Variants in GLI3 observed in about 807,000 individuals in gnomAD.
GLI3 encodes the protein GLI family zinc finger 3, also known as transcription activator GLI3.
In GLI3, 20 loss-of-function variants were observed where a neutral mutation model predicts 100.8. The ratio of observed to expected loss-of-function variants is 0.20; its 90% CI spans 0.14 to 0.29. The LOEUF is 0.29. Ranked by LOEUF, GLI3 falls within the 10% of genes least tolerant of loss-of-function variation. GLI3 has a pLI of 1.00. For synonymous variants in GLI3, 938 were observed against 860.5 expected (o/e 1.09, Z -1.58); for missense variants, 2,040 against 2,128.5 (o/e 0.96, Z 0.82).
chr7:42,025,204 A>T (rs774808920), intron 9 of GLI3, 60 bp downstream of exon 9: 128 of 1,111,692 alleles, frequency 1.2e-4, no homozygotes, highest in Non-Finnish European at 1.7e-4. Flanking sequence ...GCGGGAGCTG[A>T]CCCAAAGACA....
chr7:42,172,207 TA>T (rs202077097), intron 2 of GLI3, among the ~76,000 whole-genome samples: 3 of 151,752 alleles, frequency 2.0e-5, no homozygotes, highest in South Asian at 2.1e-4. Flanking sequence ...AGAGAAGTTT[TA>T]AAAAAAAATC....
chr7:42,148,484 A>G lies in GLI3; in HGVS notation c.125-16T>C, dbSNP rs779833649. 6.2e-7 allele frequency: 1 copy of G among 1,611,522 alleles called. No individual in the cohort carries two copies. The highest frequency in any genetic ancestry group is 1.7e-5 in the Admixed American group (1 of 60,016). ...CTTTCATCCTCTAAAGAAAGAAGAA[A>G]AATGAAAGACTCTGTAAACTACTTT... On this transcript the variant is annotated splice_polypyrimidine_tract_variant and intron_variant, in intron 2 of 14. Transcript: ENST00000395925.
intron 3 of GLI3, among the ~76,000 whole-genome samples, chr7:42,095,094 G>A (rs1254513393): frequency 6.6e-6 from 1 of 152,228 alleles, no homozygotes; most frequent in Non-Finnish European, 1.5e-5. Context: ...GCAAGGGCGT[G>A]CTTGGTGACT....
At chr7:42,026,117 T>C (rs1789103292) in intron 8 of GLI3, 82 bp downstream of exon 8, 1 of 854,522 alleles carries the variant, frequency 1.2e-6, no homozygotes. Context: ...AGAGGTGCCG[T>C]GTTGATTAAC....
chr7:42,182,884 A>C (rs1562776116), intron 2 of GLI3, among the ~76,000 whole-genome samples: 3 of 151,210 alleles, frequency 2.0e-5, no homozygotes, highest in African/African-American at 7.3e-5. Flanking sequence ...GAGTTCAAGA[A>C]TGGCCTGGCC....
chr7:42,107,146 T>A (rs904669085), intron 3 of GLI3, among the ~76,000 whole-genome samples: 6 of 151,858 alleles, frequency 4.0e-5, no homozygotes, highest in African/African-American at 1.5e-4. Flanking sequence ...CAAGACCCTG[T>A]CTCTGCTCAA....
chr7:42,143,250 G>GA (rs1017380724), intron 3 of GLI3, among the ~76,000 whole-genome samples: 1 of 152,062 alleles, frequency 6.6e-6, no homozygotes, highest in African/African-American at 2.4e-5. Flanking sequence ...TCAAAGGGCG[G>GA]AAAAAAACAA....
In GLI3 at chr7:41,965,487, C is replaced by T. The variant is rs376413286; in HGVS notation, c.3586G>A (p.Gly1196Ser). Residue 1196 changes from glycine to serine, a missense_variant, in exon 15 of 15, where the codon GGC (glycine) becomes AGC (serine). By Grantham distance (56) the Gly-to-Ser change is moderately conservative. Coordinates refer to ENST00000395925, the MANE Select transcript of GLI3 (RefSeq NM_000168.6). ...GGGTTCTGCGGGTGGACGACCATGC[C>T]GTTGCAGAACCCAAAGGCGCGAGTC... ...PQTRAFGFCNGMVVHPQNPLR... is the reference protein window; with the variant it reads ...PQTRAFGFCNSMVVHPQNPLR... 12 of 1,609,154 alleles carry T rather than the reference C, an allele frequency of 7.5e-6. No individual in the cohort carries two copies. Among genetic ancestry groups the T allele is most frequent in the South Asian group, 3.3e-5 (3 of 91,014 alleles).
chr7:42,070,155 A>G (rs2128749981), intron 4 of GLI3, among the ~76,000 whole-genome samples: 2 of 152,356 alleles, frequency 1.3e-5, no homozygotes, highest in Admixed American at 1.3e-4. Context: ...ACAATTTACC[A>G]AACCACTCCA....
At chr7:42,263,669 T>TAA (rs1368757557) in intron 1 of GLI3, among the ~76,000 whole-genome samples, 51 of 152,004 alleles carry the variant, frequency 3.4e-4, no homozygotes, top group African/African-American at 1.1e-3. Context: ...ACTGGTCTCT[T>TAA]ACTCCTGACT....
intron 3 of GLI3, chr7:42,113,580 A>C: frequency 9.5e-7 from 1 of 1,048,462 alleles, no homozygotes; most frequent in South Asian, 1.3e-5. Context: ...GTTGCCAAAA[A>C]AGACCAGGCC....
intron 7 of GLI3, among the ~76,000 whole-genome samples, chr7:42,033,600 A>C (rs1160983166): frequency 6.6e-6 from 1 of 152,186 alleles, no homozygotes; most frequent in Non-Finnish European, 1.5e-5. Flanking sequence ...GGGGAGAGAG[A>C]CACATTCAAA....
intron 2 of GLI3, among the ~76,000 whole-genome samples, chr7:42,169,118 T>C (rs1432737334): frequency 6.6e-6 from 1 of 151,428 alleles, no homozygotes; most frequent in East Asian, 1.9e-4. Flanking sequence ...TGGTATAAAA[T>C]GGAAAGTGTC....
At chr7:42,135,293 T>G (rs1786399324) in intron 3 of GLI3, among the ~76,000 whole-genome samples, 1 of 152,266 alleles carries the variant, frequency 6.6e-6, no homozygotes, top group Admixed American at 6.5e-5. Flanking sequence ...CAATTTTTCA[T>G]GATCTTTAGA....
intron 2 of GLI3, among the ~76,000 whole-genome samples, chr7:42,177,128 C>T (rs1412016087): frequency 6.6e-6 from 1 of 152,114 alleles, no homozygotes; most frequent in Non-Finnish European, 1.5e-5. Flanking sequence ...CCCTTGAGAG[C>T]TTACATGTCC....
At chr7:42,049,839 G>A (rs959013150) in intron 4 of GLI3, among the ~76,000 whole-genome samples, 1 of 152,158 alleles carries the variant, frequency 6.6e-6, no homozygotes, top group Non-Finnish European at 1.5e-5. Flanking sequence ...TTCACAGAGG[G>A]TGCGGCCATA....
At chr7:42,023,646 G>C in intron 9 of GLI3, 38 bp from the exon 10 acceptor site, 1 of 1,591,320 alleles carries the variant, frequency 6.3e-7, no homozygotes, top group Non-Finnish European at 8.6e-7. Context: ...ACAGAGAAGG[G>C]GGAAGAATCA....
chr7:42,061,373 T>C (rs1234377851), intron 4 of GLI3, among the ~76,000 whole-genome samples: 1 of 152,176 alleles, frequency 6.6e-6, no homozygotes, highest in African/African-American at 2.4e-5. Flanking sequence ...TTATTATTAC[T>C]GTTAACTACT....
upstream of GLI3, among the ~76,000 whole-genome samples, chr7:42,239,374 A>G (rs1224339618): frequency 6.6e-6 from 1 of 152,222 alleles, no homozygotes; most frequent in Admixed American, 6.5e-5. Flanking sequence ...TGAGAAATAC[A>G]TGGAAAAGTA....
Sources: allele counts gnomAD v4.1 joint callset (sites outside exome capture counted in the v4.1 genomes callset), GRCh38; gene constraint gnomAD v4.1.1; transcripts MANE v1.5; gene names NCBI Gene and HGNC (gene_info 2026-07-23, HGNC 2026-07-21).